NIPA1: variants seen among roughly 807,000 people sequenced by gnomAD.
NIPA1 encodes NIPA magnesium transporter 1.
In NIPA1, 13 loss-of-function variants were observed where a neutral mutation model predicts 23.9. The observed-to-expected ratio is 0.54, with a 90% CI of 0.35 to 0.87. The LOEUF (loss-of-function observed/expected upper bound fraction) is 0.87. Ranked by LOEUF, NIPA1 falls within the 40% of genes least tolerant of loss-of-function variation. The pLI is 0.01. For missense variants in NIPA1, 362 were observed against 429.7 expected (o/e 0.84, Z 1.39); for synonymous variants, 234 against 202.9 (o/e 1.15, Z -1.30).
Position 22,829,605 on chromosome 15 carries a change from G to C in NIPA1, c.*5366G>C, listed in dbSNP as rs1389175975. The C allele has an allele frequency of 6.6e-6, 1 of 152,092 alleles. No individual in the cohort carries two copies. The highest frequency in any genetic ancestry group is 1.5e-5 in the Non-Finnish European group (1 of 68,026). The allele number at this position is 152,092 out of a possible 1,614,324, so 9.4% of individuals were successfully genotyped here. A position where few individuals can be genotyped will look rare whatever the true frequency, so the allele number is the denominator to read the frequency against. On this transcript the variant is annotated 3_prime_UTR_variant, in exon 5 of 5. Transcript: ENST00000337435. ...AAAGTTTTGTCATAGACATGTATTG[G>C]GGAGCTTCCAATTAGCATACATAGA...
chr15:22,797,358 C>T (rs560368316), intron 1 of NIPA1, among the ~76,000 whole-genome samples: 3 of 151,972 alleles, frequency 2.0e-5, no homozygotes, highest in South Asian at 2.1e-4. Context: ...TACAGGCGCC[C>T]GCCATCACAC....
intron 1 of NIPA1, among the ~76,000 whole-genome samples, chr15:22,791,318 A>G (rs1483891408): frequency 1.3e-5 from 2 of 152,060 alleles, no homozygotes; most frequent in Non-Finnish European, 2.9e-5. Flanking sequence ...GTTCTCACTT[A>G]CAAGTGGAAG....
At chr15:22,799,959 A>C (rs1242616853) in intron 1 of NIPA1, among the ~76,000 whole-genome samples, 1 of 150,598 alleles carries the variant, frequency 6.6e-6, no homozygotes, top group African/African-American at 2.4e-5. Flanking sequence ...AAAAAAAAAA[A>C]AAAAAAAAAA....
At chr15:22,800,409 G>A (rs1895051048) in intron 1 of NIPA1, among the ~76,000 whole-genome samples, 1 of 152,042 alleles carries the variant, frequency 6.6e-6, no homozygotes, top group South Asian at 2.1e-4. Flanking sequence ...TGATTATCTT[G>A]CAAGTTTTGC....
At position 22,826,612 on chromosome 15, in the gene NIPA1, T is replaced by G. The variant is rs1454622631; in HGVS notation, c.*2373T>G. On this transcript the variant is annotated 3_prime_UTR_variant, in exon 5 of 5. Transcript: ENST00000337435. Reference sequence around the variant, plus strand: ...GTTTAAAGGCAGCTCTTGGTGTACCTTAGTATATTTTAATCCACAATTATA... The same window carrying G: ...GTTTAAAGGCAGCTCTTGGTGTACCGTAGTATATTTTAATCCACAATTATA... 1 of 152,166 alleles carries G rather than the reference T, an allele frequency of 6.6e-6. No individual in the cohort carries two copies. Among genetic ancestry groups the G allele is most frequent in the African/African-American group, 2.4e-5 (1 of 41,424 alleles). 9.4% of individuals were successfully genotyped at this position (152,166 alleles called of 1,614,324 possible). A position where few individuals can be genotyped will look rare whatever the true frequency, so the allele number is the denominator to read the frequency against.
intron 1 of NIPA1, among the ~76,000 whole-genome samples, chr15:22,805,885 T>C (rs1045652664): frequency 6.6e-6 from 1 of 152,128 alleles, no homozygotes; most frequent in Non-Finnish European, 1.5e-5. Flanking sequence ...ATCTATATTT[T>C]TATACTATAA....
Position 22,786,670 on chromosome 15 carries a change from CT to C in NIPA1, c.15del (p.Ala6ArgfsTer36), listed in dbSNP as rs1894707149. On this transcript the variant is annotated frameshift_variant, in exon 1 of 5. Coordinates refer to ENST00000337435, the MANE Select transcript of NIPA1 (RefSeq NM_144599.5). LOFTEE classifies it high-confidence loss of function. MGTA[A>X]AAAAAAAAAA... ...GGCGCGGGCGGAATGGGGACTGCAG[CT>C]GCGGCAGCGGCGGCGGCGGCGGCGG... The C allele has an allele frequency of 9.3e-7, 1 of 1,078,430 alleles. No individual in the cohort carries two copies. The highest frequency in any genetic ancestry group is 1.8e-5 in the African/African-American group (1 of 55,610). 66.8% of individuals were successfully genotyped at this position (1,078,430 alleles called of 1,614,324 possible). A position where few individuals can be genotyped will look rare whatever the true frequency, so the allele number is the denominator to read the frequency against.
chr15:22,816,909 C>T (rs573252403), intron 3 of NIPA1, among the ~76,000 whole-genome samples: 29 of 151,818 alleles, frequency 1.9e-4, no homozygotes, highest in African/African-American at 5.8e-4. Context: ...TGAGGCCGGG[C>T]GTAGTGGCTC....
At position 22,812,289 on chromosome 15, in the gene NIPA1, A is replaced by G. The variant is rs756911690; in HGVS notation, c.317+36A>G. The G allele has an allele frequency of 2.2e-6, 3 of 1,391,534 alleles. No homozygotes were observed. The Admixed American group carries it at 5.0e-5, about 23-fold the overall frequency. The allele number at this position is 1,391,534 out of a possible 1,614,324, so 86.2% of individuals were successfully genotyped here. The stretch of plus-strand genomic sequence containing the variant: ...AGATTGTGTTTGGTATTTAATGTGT[A>G]GTGTAGATATAACAACTTTTCATTT... On this transcript the variant is annotated intron_variant, in intron 3 of 4. Transcript: ENST00000337435.
At position 22,826,099 on chromosome 15, in the gene NIPA1, G is replaced by A. The variant is rs886051001; in HGVS notation, c.*1860G>A. The A allele has an allele frequency of 1.3e-5, 2 of 152,102 alleles. No homozygotes were observed. 9.4% of individuals were successfully genotyped at this position (152,102 alleles called of 1,614,324 possible). On this transcript the variant is annotated 3_prime_UTR_variant, in exon 5 of 5. Transcript: ENST00000337435. Reference sequence around the variant, plus strand: ...TAAGAAAAAAAATGTGTTTTTGTAGGCAAAAAGAACATTTCTAAAGTCTCA... The same window carrying A: ...TAAGAAAAAAAATGTGTTTTTGTAGACAAAAAGAACATTTCTAAAGTCTCA...
rs1000322387 is a variant in NIPA1 at position 22,827,252 on chromosome 15, G to A, written c.*3013G>A. ...TGGGCAATGCCTTGTTTTCTCCTCT[G>A]AATATTTGCATTTGAAAGGATTGCT... On this transcript the variant is annotated 3_prime_UTR_variant, in exon 5 of 5. Coordinates refer to ENST00000337435, the MANE Select transcript of NIPA1 (RefSeq NM_144599.5). The A allele has an allele frequency of 2.0e-5, 3 of 152,158 alleles. No homozygotes were observed. The highest frequency in any genetic ancestry group is 7.2e-5 in the African/African-American group (3 of 41,426). The allele number at this position is 152,158 out of a possible 1,614,324, so 9.4% of individuals were successfully genotyped here. A position where few individuals can be genotyped will look rare whatever the true frequency, so the allele number is the denominator to read the frequency against.
At chr15:22,800,271 G>A (rs1431979390) in intron 1 of NIPA1, among the ~76,000 whole-genome samples, 5 of 151,972 alleles carry the variant, frequency 3.3e-5, no homozygotes, top group African/African-American at 1.2e-4. Context: ...TAGATCCCAA[G>A]CAAATTACCA....
At chr15:22,799,723 A>G (rs1482640713) in intron 1 of NIPA1, among the ~76,000 whole-genome samples, 1 of 151,486 alleles carries the variant, frequency 6.6e-6, no homozygotes, top group African/African-American at 2.4e-5. Flanking sequence ...CGGAGGTTGC[A>G]GTGAGCCGAG....
Position 22,786,663 on chromosome 15 carries a change from ACTGCAG to A in NIPA1, c.12_17del (p.Ala15_Ala16del), listed in dbSNP as rs1192699698. ...GAGGGCGGGCGCGGGCGGAATGGGG[ACTGCAG>A]CTGCGGCAGCGGCGGCGGCGGCGGC... On this transcript the variant is annotated inframe_deletion, in exon 1 of 5. Transcript: ENST00000337435. The A allele has an allele frequency of 2.5e-5, 26 of 1,058,648 alleles. No individual in the cohort carries two copies. The highest frequency in any genetic ancestry group is 3.7e-4 in the Middle Eastern group (1 of 2,726). 65.6% of individuals were successfully genotyped at this position (1,058,648 alleles called of 1,614,324 possible).
intron 1 of NIPA1, among the ~76,000 whole-genome samples, chr15:22,797,847 A>ATTT (rs33968720): frequency 4.2e-4 from 56 of 134,052 alleles, no homozygotes; most frequent in Middle Eastern, 3.8e-3. Context: ...TTCAAAACCG[A>ATTT]TTTTTTTTTT....
At chr15:22,798,394 C>T (rs1190473489) in intron 1 of NIPA1, among the ~76,000 whole-genome samples, 1 of 149,536 alleles carries the variant, frequency 6.7e-6, no homozygotes, top group African/African-American at 2.5e-5. Context: ...CGCCCGCCAC[C>T]ATGCCCAGCT....
At chr15:22,797,510 CTT>C (rs35158063) in intron 1 of NIPA1, among the ~76,000 whole-genome samples, 1 of 124,576 alleles carries the variant, frequency 8.0e-6, no homozygotes. Context: ...CCGCGCCTGG[CTT>C]TTTTTTTTTT....
chr15:22,818,999 C>T (rs565047248), intron 3 of NIPA1, among the ~76,000 whole-genome samples: 2 of 152,182 alleles, frequency 1.3e-5, no homozygotes, highest in East Asian at 1.9e-4. Context: ...TCTGGTTTCT[C>T]CTTTTCCAGG....
intron 1 of NIPA1, among the ~76,000 whole-genome samples, chr15:22,798,862 A>AAAAAAC (rs1895002766): frequency 7.4e-6 from 1 of 135,828 alleles, no homozygotes; most frequent in African/African-American, 2.7e-5. Context: ...AAAAAAAAAA[A>AAAAAAC]CCTCTTTATT....
Sources: gnomAD v4.1 joint callset for allele counts (sites outside exome capture counted in the v4.1 genomes callset) on GRCh38, gnomAD v4.1.1 for gene constraint, MANE v1.5 for transcripts, NCBI Gene and HGNC (gene_info 2026-07-23, HGNC 2026-07-21) for gene names.